Variants in TAFA4 observed in about 807,000 individuals in gnomAD.
The protein encoded by TAFA4 is chemokine-like protein TAFA-4.
In TAFA4, 20 loss-of-function variants were observed where a neutral mutation model predicts 21.1. The observed-to-expected ratio is 0.95, with a 90% CI of 0.67 to 1.38. The LOEUF (loss-of-function observed/expected upper bound fraction) is 1.38, where lower values mean the gene tolerates loss of function less well. TAFA4 is among the 40% of genes most tolerant of loss of function. TAFA4 has a pLI of 0.00. For missense variants in TAFA4, 211 were observed against 180.9 expected (o/e 1.17, Z -0.95); for synonymous variants, 71 against 67.4 (o/e 1.05, Z -0.26).
At chr3:68,847,846 C>T (rs1281343088) in intron 3 of TAFA4, among the ~76,000 whole-genome samples, 2 of 152,154 alleles carry the variant, frequency 1.3e-5, no homozygotes, top group African/African-American at 4.8e-5. Flanking sequence ...CATTTACCAC[C>T]CTCGTGGACA....
intron 3 of TAFA4, among the ~76,000 whole-genome samples, chr3:68,810,245 G>A (rs1703803894): frequency 6.6e-6 from 1 of 152,166 alleles, no homozygotes; most frequent in Non-Finnish European, 1.5e-5. Flanking sequence ...CCCAGCATGA[G>A]AGACGCAGAA....
At chr3:68,762,474 A>C (rs1702774835) in intron 3 of TAFA4, among the ~76,000 whole-genome samples, 2 of 152,346 alleles carry the variant, frequency 1.3e-5, no homozygotes, top group Admixed American at 1.3e-4. Flanking sequence ...TGGGTAGAGC[A>C]TCAAAGGAAA....
Position 68,756,480 on chromosome 3 carries a change from A to G in TAFA4, c.131-3462T>C, listed in dbSNP as rs114582691. On this transcript the variant is annotated intron_variant, in intron 3 of 5. Coordinates refer to ENST00000295569, the MANE Select transcript of TAFA4 (RefSeq NM_182522.5). ...TCTGTTGGTGTATGTGTTTCAAAAT[A>G]AAACCAATTTAAAAATATTCCATGA... Among the ~76,000 whole-genome samples, 294 of 152,346 alleles carry G rather than the reference A, an allele frequency of 1.9e-3. 2 individuals carry two copies. Among genetic ancestry groups the G allele is most frequent in the African/African-American group, 6.9e-3 (288 of 41,580 alleles).
intron 1 of TAFA4, among the ~76,000 whole-genome samples, chr3:68,931,865 T>C (rs1430109374): frequency 6.6e-6 from 1 of 152,152 alleles, no homozygotes; most frequent in Non-Finnish European, 1.5e-5. Context: ...AAGGTCGACT[T>C]GTCCAGAAAA....
intron 3 of TAFA4, among the ~76,000 whole-genome samples, chr3:68,802,586 T>C (rs943299767): frequency 1.3e-5 from 2 of 152,198 alleles, no homozygotes; most frequent in African/African-American, 4.8e-5. Context: ...TTGTTCTTCA[T>C]TCTCTGATAG....
chr3:68,794,663 G>C (rs1218123070), intron 3 of TAFA4, among the ~76,000 whole-genome samples: 1 of 152,074 alleles, frequency 6.6e-6, no homozygotes, highest in Non-Finnish European at 1.5e-5. Flanking sequence ...GTCACAGTTG[G>C]CATCCCTGCC....
At chr3:68,819,528 C>A (rs1003342475) in intron 3 of TAFA4, among the ~76,000 whole-genome samples, 3 of 152,086 alleles carry the variant, frequency 2.0e-5, no homozygotes, top group Admixed American at 6.5e-5. Flanking sequence ...AGAGACAACT[C>A]ATGGATTGTA....
At chr3:68,825,938 G>A (rs1704218653) in intron 3 of TAFA4, among the ~76,000 whole-genome samples, 1 of 152,138 alleles carries the variant, frequency 6.6e-6, no homozygotes, top group African/African-American at 2.4e-5. Flanking sequence ...AGTTACCCAG[G>A]CCAAAGGTCA....
intron 3 of TAFA4, among the ~76,000 whole-genome samples, chr3:68,833,701 C>T (rs148234888): frequency 6.6e-6 from 1 of 152,246 alleles, no homozygotes; most frequent in East Asian, 1.9e-4. Flanking sequence ...TTTTTCTTAA[C>T]TGACATCCAC....
chr3:68,790,722 A>G (rs1378146780), intron 3 of TAFA4, among the ~76,000 whole-genome samples: 1 of 152,186 alleles, frequency 6.6e-6, no homozygotes, highest in Non-Finnish European at 1.5e-5. Context: ...GCATAGTAAC[A>G]AAGGAAAATG....
rs77537007 is a variant in TAFA4 at position 68,787,905 on chromosome 3, G to T, written c.131-34887C>A. Among the ~76,000 whole-genome samples the T allele has an allele frequency of 6.5e-3, 993 of 152,256 alleles. 11 individuals are homozygous for T. Among genetic ancestry groups the T allele is most frequent in the African/African-American group, 0.023 (936 of 41,550 alleles). ...CCACAGGTGTTTCATTTGGGTCAAG[G>T]CTCTGAAAATGTTTTAGTTGTTAGT... On this transcript the variant is annotated intron_variant, in intron 3 of 5. Transcript: ENST00000295569.
intron 3 of TAFA4, among the ~76,000 whole-genome samples, chr3:68,868,306 AT>A (rs1244550219): frequency 1.3e-5 from 2 of 152,046 alleles, no homozygotes. Context: ...ACAACTGTAA[AT>A]ATATATGCAC....
chr3:68,805,765 T>A (rs984364150), intron 3 of TAFA4, among the ~76,000 whole-genome samples: 1 of 141,772 alleles, frequency 7.1e-6, no homozygotes, highest in Non-Finnish European at 1.5e-5. Context: ...TGAGAACACA[T>A]GGACACAGGA....
chr3:68,911,373 G>C (rs1331012264), intron 1 of TAFA4, among the ~76,000 whole-genome samples: 1 of 152,194 alleles, frequency 6.6e-6, no homozygotes, highest in Non-Finnish European at 1.5e-5. Flanking sequence ...TACATTCCCT[G>C]TGTATTTTGA....
rs796663399 is a variant in TAFA4 at position 68,796,094 on chromosome 3, G to A, written c.131-43076C>T. 3.3e-5 allele frequency among the ~76,000 whole-genome samples: 5 copies of A among 152,218 alleles called. No individual in the cohort carries two copies. The South Asian group carries it at 8.3e-4, about 25-fold the overall frequency. On this transcript the variant is annotated intron_variant, in intron 3 of 5. Transcript: ENST00000295569. ...TCTGTGCTGAGCTGCTTGGAGCTAG[G>A]GGTGGGGTGACACAAGCACCCCTGT...
chr3:68,927,148 T>C (rs954333740), intron 1 of TAFA4, among the ~76,000 whole-genome samples: 1 of 152,362 alleles, frequency 6.6e-6, no homozygotes, highest in African/African-American at 2.4e-5. Context: ...CTTCGTGGTC[T>C]GTAAGTTTCT....
chr3:68,863,060 C>G (rs1443534591), intron 3 of TAFA4, among the ~76,000 whole-genome samples: 1 of 149,706 alleles, frequency 6.7e-6, no homozygotes, highest in Non-Finnish European at 1.5e-5. Context: ...ATAGGAAAAC[C>G]CCATCTCTAC....
intron 4 of TAFA4, among the ~76,000 whole-genome samples, chr3:68,745,387 A>T (rs973399506): frequency 3.3e-5 from 5 of 152,222 alleles, no homozygotes; most frequent in Middle Eastern, 3.2e-3. Flanking sequence ...ATACACTTTA[A>T]ATGAGAAAGT....
intron 4 of TAFA4, among the ~76,000 whole-genome samples, chr3:68,751,570 T>C (rs1702557114): frequency 6.6e-6 from 1 of 152,202 alleles, no homozygotes; most frequent in African/African-American, 2.4e-5. Context: ...ATTTTTTAAA[T>C]GTTAAAGATC....
Sources: allele counts gnomAD v4.1 joint callset (sites outside exome capture counted in the v4.1 genomes callset), GRCh38; gene constraint gnomAD v4.1.1; transcripts MANE v1.5; gene names NCBI Gene and HGNC (gene_info 2026-07-23, HGNC 2026-07-21).